IFNG-AS1: variants seen among roughly 807,000 people sequenced by gnomAD.
The protein encoded by IFNG-AS1 is IFNG regulatory antisense RNA 1.
intron 3 of IFNG-AS1, among the ~76,000 whole-genome samples, chr12:68,018,817 C>G (rs1193180920): frequency 6.6e-6 from 1 of 150,676 alleles, no homozygotes; most frequent in Non-Finnish European, 1.5e-5. Context: ...AGTTCTAAGT[C>G]CTTTCTAACC....
At chr12:68,017,821 G>A (rs116044465) in intron 3 of IFNG-AS1, among the ~76,000 whole-genome samples, 2 of 152,084 alleles carry the variant, frequency 1.3e-5, no homozygotes. Flanking sequence ...TTCAAACCTA[G>A]TCATGAACTG....
intron 1 of IFNG-AS1, among the ~76,000 whole-genome samples, chr12:67,994,984 G>A (rs559929059): frequency 5.9e-5 from 9 of 152,188 alleles, no homozygotes; most frequent in Non-Finnish European, 1.3e-4. Flanking sequence ...TTACAAGAGT[G>A]TCTTAATACA....
At chr12:68,000,634 C>T (rs1295138828) in intron 2 of IFNG-AS1, among the ~76,000 whole-genome samples, 5 of 151,998 alleles carry the variant, frequency 3.3e-5, no homozygotes, top group Non-Finnish European at 5.9e-5. Context: ...ATTGCACTAA[C>T]GCACTCCAGA....
At chr12:67,989,609 T>C (rs942746251) in intron 1 of IFNG-AS1, 3 of 152,236 alleles carry the variant, frequency 2.0e-5, no homozygotes, top group African/African-American at 7.2e-5. Context: ...AAATGCTGTT[T>C]GTAAATTACA....
chr12:68,006,511 G>A (rs999018026), intron 3 of IFNG-AS1, among the ~76,000 whole-genome samples: 17 of 152,278 alleles, frequency 1.1e-4, no homozygotes, highest in African/African-American at 3.6e-4. Flanking sequence ...TATTGTCTGG[G>A]AAGAATTCTA....
intron 2 of IFNG-AS1, among the ~76,000 whole-genome samples, chr12:67,997,389 G>T (rs534143851): frequency 1.1e-4 from 17 of 152,160 alleles, no homozygotes; most frequent in Middle Eastern, 3.4e-3. Flanking sequence ...TCACAAAATT[G>T]CTGGGGCAAG....
intron 3 of IFNG-AS1, among the ~76,000 whole-genome samples, chr12:68,007,172 T>A (rs1026523653): frequency 6.6e-6 from 1 of 152,196 alleles, no homozygotes; most frequent in Admixed American, 6.5e-5. Context: ...TGTGCTTCCA[T>A]GCCTCCATTT....
intron 2 of IFNG-AS1, among the ~76,000 whole-genome samples, chr12:68,003,424 C>CA (rs530422946): frequency 2.9e-5 from 4 of 136,508 alleles, no homozygotes; most frequent in Non-Finnish European, 6.1e-5. Context: ...CATATTCCCC[C>CA]CTTTTTTTTT....
intron 3 of IFNG-AS1, among the ~76,000 whole-genome samples, chr12:68,008,415 CA>C (rs11295864): frequency 0.98 from 141,884 of 145,172 alleles, 69,337 homozygotes; most frequent in Non-Finnish European, 0.99. Flanking sequence ...GACACCATCT[CA>C]AAAAAAAAAA....
At chr12:68,008,800 T>C (rs1879963379) in intron 3 of IFNG-AS1, among the ~76,000 whole-genome samples, 1 of 152,204 alleles carries the variant, frequency 6.6e-6, no homozygotes, top group African/African-American at 2.4e-5. Flanking sequence ...ATTTTCTTTT[T>C]TCCTCTCATT....
At chr12:68,018,994 T>C (rs779321561) in intron 3 of IFNG-AS1, among the ~76,000 whole-genome samples, 1 of 152,086 alleles carries the variant, frequency 6.6e-6, no homozygotes, top group African/African-American at 2.4e-5. Context: ...TGTGGAGCCT[T>C]CAACCTCCAT....
At chr12:68,009,376 T>A (rs1286555528) in intron 3 of IFNG-AS1, among the ~76,000 whole-genome samples, 1 of 152,212 alleles carries the variant, frequency 6.6e-6, no homozygotes, top group Non-Finnish European at 1.5e-5. Context: ...ACAGTCTCGC[T>A]CTGTTGCCCA....
chr12:68,020,189 A>G (rs1178916202), intron 4 of IFNG-AS1: 3 of 152,184 alleles, frequency 2.0e-5, no homozygotes, highest in Non-Finnish European at 4.4e-5. Flanking sequence ...ATGATAAATC[A>G]TGTCTTGAAT....
At chr12:67,990,393 A>G (rs975536771) in intron 1 of IFNG-AS1, among the ~76,000 whole-genome samples, 4 of 152,216 alleles carry the variant, frequency 2.6e-5, no homozygotes, top group East Asian at 3.8e-4. Context: ...TCTTTAACCT[A>G]CAATGGTCAG....
chr12:67,995,291 C>T (rs575618219), intron 1 of IFNG-AS1, among the ~76,000 whole-genome samples: 9 of 150,986 alleles, frequency 6.0e-5, no homozygotes, highest in East Asian at 5.9e-4. Flanking sequence ...CATGGTGGCG[C>T]GTGCCTATAG....
chr12:68,012,542 C>T (rs961748538), intron 3 of IFNG-AS1, among the ~76,000 whole-genome samples: 7 of 152,200 alleles, frequency 4.6e-5, no homozygotes, highest in Non-Finnish European at 7.3e-5. Context: ...CAACCAGCTT[C>T]CTTCTCCCAA....
At chr12:68,013,027 G>A (rs915854224) in intron 3 of IFNG-AS1, among the ~76,000 whole-genome samples, 2 of 152,206 alleles carry the variant, frequency 1.3e-5, no homozygotes, top group Non-Finnish European at 2.9e-5. Flanking sequence ...AGAGAGCAAA[G>A]TGATAGAGCT....
At chr12:68,010,827 C>T (rs1189587487) in intron 3 of IFNG-AS1, among the ~76,000 whole-genome samples, 2 of 152,176 alleles carry the variant, frequency 1.3e-5, no homozygotes, top group Admixed American at 6.5e-5. Flanking sequence ...TTTTTACCCT[C>T]GTGCCCTTGG....
intron 3 of IFNG-AS1, among the ~76,000 whole-genome samples, chr12:68,019,629 G>T (rs73324889): frequency 8.0e-4 from 122 of 152,228 alleles, no homozygotes; most frequent in African/African-American, 2.8e-3. Context: ...CACTAGAGTA[G>T]GTGCCTCTAA....
Sources: gnomAD v4.1 joint callset for allele counts (sites outside exome capture counted in the v4.1 genomes callset) on GRCh38, gnomAD v4.1.1 for gene constraint, MANE v1.5 for transcripts, NCBI Gene and HGNC (gene_info 2026-07-23, HGNC 2026-07-21) for gene names.